Variants in VNN1 observed in about 807,000 individuals in gnomAD.
The protein encoded by VNN1 is pantetheinase.
A neutral mutation model predicts 41.9 loss-of-function variants in VNN1; 29 were observed. The ratio of observed to expected loss-of-function variants is 0.69; its 90% confidence interval spans 0.52 to 0.94. The LOEUF (loss-of-function observed/expected upper bound fraction) is 0.94, where lower values mean the gene tolerates loss of function less well. Among genes scored for constraint, VNN1 ranks in the 40% least tolerant of loss-of-function variants. The probability of loss-of-function intolerance (pLI) is 0.00; values close to 1 mark genes in which losing one functional copy is unlikely to be tolerated. For synonymous variants in VNN1, 233 were observed against 224.4 expected (o/e 1.04, Z -0.34); for missense variants, 637 against 621.1 (o/e 1.03, Z -0.27).
chr6:132,712,927 G>T (rs963203104), intron 1 of VNN1, among the ~76,000 whole-genome samples: 1 of 152,170 alleles, frequency 6.6e-6, no homozygotes, highest in Non-Finnish European at 1.5e-5. Context: ...CTGAGGTCAG[G>T]AGTTCAAGTA....
intron 2 of VNN1, among the ~76,000 whole-genome samples, chr6:132,696,083 A>C (rs1464468969): frequency 2.6e-5 from 4 of 152,218 alleles, no homozygotes; most frequent in Non-Finnish European, 5.9e-5. Flanking sequence ...AGCTTAAGAA[A>C]ATAAAGGAAG....
chr6:132,694,075 G>A lies in VNN1; in HGVS notation c.449C>T (p.Pro150Leu). 1.2e-6 allele frequency: 2 copies of A among 1,614,146 alleles called. No individual in the cohort carries two copies. The highest frequency in any genetic ancestry group is 1.7e-6 in the Non-Finnish European group (2 of 1,180,010). Residue 150 changes from proline (P) to leucine (L), a missense_variant, in exon 3 of 7, where the codon CCT (proline) becomes CTT (leucine). Physicochemically the swap from Pro to Leu is moderately conservative, Grantham distance 98. Coordinates refer to ENST00000367928, the MANE Select transcript of VNN1 (RefSeq NM_004666.3). Reference protein sequence around the residue: ...GDKKPCDTSDPQCPPDGRYQY... With the variant: ...GDKKPCDTSDLQCPPDGRYQY... ...GTAACGGCCATCAGGGGGACACTGA[G>A]GATCACTGGTATCGCATGGCTTCTT...
At chr6:132,711,482 A>T (rs1018777750) in intron 2 of VNN1, among the ~76,000 whole-genome samples, 1 of 152,228 alleles carries the variant, frequency 6.6e-6, no homozygotes, top group Non-Finnish European at 1.5e-5. Context: ...GAGACCAGAG[A>T]TGTTCACACT....
At chr6:132,691,627 T>G (rs951337121) in intron 5 of VNN1, among the ~76,000 whole-genome samples, 1 of 152,190 alleles carries the variant, frequency 6.6e-6, no homozygotes, top group African/African-American at 2.4e-5. Flanking sequence ...TATTTATTTT[T>G]AATACTGCTA....
intron 2 of VNN1, chr6:132,698,746 G>T: frequency 5.9e-6 from 1 of 170,618 alleles, no homozygotes. Flanking sequence ...GCAGGCCCAA[G>T]AAGGGTGGTT....
In VNN1 at chr6:132,684,455, G is replaced by A; in HGVS notation, c.1239C>T (p.Asp413=). ...CKTTNLNTCG[D]SAETASTRFE... is the part of the protein sequence containing the mutation. Reference sequence around the variant, plus strand: ...ACCTGGTAGAAGCTGTTTCAGCTGAGTCACCGCAAGTGTTTAAATTAGTCG... The same window carrying A: ...ACCTGGTAGAAGCTGTTTCAGCTGAATCACCGCAAGTGTTTAAATTAGTCG... Residue 413 remains aspartate (D), a synonymous_variant, in exon 6 of 7, where the codon GAC becomes GAT. Transcript: ENST00000367928. 6.2e-7 allele frequency: 1 copy of A among 1,614,088 alleles called. No homozygotes were observed. The highest frequency in any genetic ancestry group is 1.1e-5 in the South Asian group (1 of 91,082).
In VNN1 at chr6:132,713,912, T is replaced by A; in HGVS notation, c.124A>T (p.Thr42Ser). Residue 42 changes from threonine (T) to serine (S), a missense_variant, in exon 1 of 7, where the codon ACA becomes TCA. Thr to Ser is a moderately conservative substitution (Grantham distance 58). Transcript: ENST00000367928. ...HAAILPNATL[T>S]PVSREEALAL... is the part of the protein sequence containing the mutation. ...AAAGCCTCCTCACGAGACACTGGTG[T>A]TAGGGTGGCATTGGGCAATATCGCT... 6.2e-7 allele frequency: 1 copy of A among 1,614,024 alleles called. No homozygotes were observed. Among genetic ancestry groups the A allele is most frequent in the Non-Finnish European group, 8.5e-7 (1 of 1,180,006 alleles).
intron 2 of VNN1, among the ~76,000 whole-genome samples, chr6:132,703,656 C>A (rs987056775): frequency 1.3e-5 from 2 of 151,962 alleles, no homozygotes; most frequent in Admixed American, 1.3e-4. Context: ...CACCACAAAA[C>A]AACCAGAAAA....
intron 2 of VNN1, among the ~76,000 whole-genome samples, chr6:132,696,244 A>G (rs751043368): frequency 1.3e-5 from 2 of 152,202 alleles, no homozygotes; most frequent in Non-Finnish European, 2.9e-5. Flanking sequence ...GAAAAAAGAA[A>G]CAGTGAACTG....
At position 132,682,493 on chromosome 6, in the gene VNN1, T is replaced by A. The variant is rs1270401577; in HGVS notation, c.*647A>T. 1 of 152,570 alleles carries A rather than the reference T, an allele frequency of 6.6e-6. No individual in the cohort carries two copies. Among genetic ancestry groups the A allele is most frequent in the Non-Finnish European group, 1.5e-5 (1 of 68,324 alleles). 9.5% of individuals were successfully genotyped at this position (152,570 alleles called of 1,614,324 possible). On this transcript the variant is annotated 3_prime_UTR_variant, in exon 7 of 7. Coordinates refer to ENST00000367928, the MANE Select transcript of VNN1 (RefSeq NM_004666.3). ...TCTCTTCTTAGCTTGTAAAGAGTTG[T>A]CCTTCCTCTGTGTCTCCTTATGGTC...
chr6:132,691,913 C>A (rs1025621442), intron 5 of VNN1, among the ~76,000 whole-genome samples: 2 of 151,078 alleles, frequency 1.3e-5, no homozygotes, highest in Non-Finnish European at 2.9e-5. Flanking sequence ...GAGGCTGAGG[C>A]GTGAGAATTG....
intron 5 of VNN1, among the ~76,000 whole-genome samples, chr6:132,691,866 G>A (rs1243689752): frequency 6.6e-6 from 1 of 151,996 alleles, no homozygotes; most frequent in African/African-American, 2.4e-5. Context: ...AAATTAGCCA[G>A]GCATGGTGGC....
chr6:132,696,212 C>T (rs758474344), intron 2 of VNN1, among the ~76,000 whole-genome samples: 15 of 151,972 alleles, frequency 9.9e-5, no homozygotes, highest in East Asian at 3.8e-4. Context: ...TAGGAGGATT[C>T]GAAGACCAAT....
chr6:132,684,349 G>A lies in VNN1; in HGVS notation c.1345C>T (p.Pro449Ser). 3 of 1,611,150 alleles carry A rather than the reference G, an allele frequency of 1.9e-6. No homozygotes were observed. Among genetic ancestry groups the A allele is most frequent in the African/African-American group, 2.7e-5 (2 of 74,936 alleles). Residue 449 changes from proline (P) to serine (S), a missense_variant, in exon 6 of 7, where the codon CCT (proline) becomes TCT (serine). Transcript: ENST00000367928. Reference protein sequence around the residue: ...EVLLSENQLAPGEFQVSTDGR... With the variant: ...EVLLSENQLASGEFQVSTDGR... ...AAGATTCTTACCTGAAATTCTCCAGGTGCAAGCTGATTTTCACTCAGCAAC... is the reference window on the plus strand; with the variant it reads ...AAGATTCTTACCTGAAATTCTCCAGATGCAAGCTGATTTTCACTCAGCAAC...
intron 2 of VNN1, among the ~76,000 whole-genome samples, chr6:132,708,818 C>T (rs1778554456): frequency 6.6e-6 from 1 of 152,156 alleles, no homozygotes; most frequent in Non-Finnish European, 1.5e-5. Flanking sequence ...GGAGTCTATT[C>T]TCAACATTGC....
At position 132,692,420 on chromosome 6, in the gene VNN1, T is replaced by G. The variant is rs1778304760; in HGVS notation, c.991A>C (p.Lys331Gln). 6.2e-7 allele frequency: 1 copy of G among 1,614,064 alleles called. No homozygotes were observed. The highest frequency in any genetic ancestry group is 8.5e-7 in the Non-Finnish European group (1 of 1,180,034). ...SSIEALSSGNKEFKGTVFFDE... is the reference protein window; with the variant it reads ...SSIEALSSGNQEFKGTVFFDE... ...AAAAAGACAGTGCCTTTAAATTCCT[T>G]GTTTCCTGATGAGAGCGCTTCTATA... Residue 331 changes from lysine (K) to glutamine (Q), a missense_variant, in exon 5 of 7, where the codon AAG (lysine) becomes CAG (glutamine). Lys to Gln is a moderately conservative substitution (Grantham distance 53). Transcript: ENST00000367928.
At chr6:132,691,787 G>T (rs35228045) in intron 5 of VNN1, among the ~76,000 whole-genome samples, 1 of 151,756 alleles carries the variant, frequency 6.6e-6, no homozygotes, top group Non-Finnish European at 1.5e-5. Context: ...ACCTGAGCTC[G>T]GGGAGTTTGA....
chr6:132,704,064 T>C (rs1778485424), intron 2 of VNN1, among the ~76,000 whole-genome samples: 1 of 151,948 alleles, frequency 6.6e-6, no homozygotes, highest in Non-Finnish European at 1.5e-5. Context: ...ATAAAGGACA[T>C]ATTACTAGAG....
intron 2 of VNN1, among the ~76,000 whole-genome samples, chr6:132,700,567 G>A (rs1298450596): frequency 6.6e-6 from 1 of 152,086 alleles, no homozygotes; most frequent in Non-Finnish European, 1.5e-5. Flanking sequence ...AGTGGCATGG[G>A]AAGAAGTCAA....
Sources: gnomAD v4.1 joint callset for allele counts (sites outside exome capture counted in the v4.1 genomes callset) on GRCh38, gnomAD v4.1.1 for gene constraint, MANE v1.5 for transcripts, NCBI Gene and HGNC (gene_info 2026-07-23, HGNC 2026-07-21) for gene names.